LRP1B: variants seen among roughly 807,000 people sequenced by gnomAD.
LRP1B encodes the protein LDL receptor related protein 1B, also known as low-density lipoprotein receptor-related protein 1B.
A neutral mutation model predicts 556.6 loss-of-function variants in LRP1B; 217 were observed. That is an observed-to-expected ratio of 0.39 (90% CI 0.35 to 0.44). LRP1B has a LOEUF of 0.44. Ranked by LOEUF, LRP1B falls within the 20% of genes least tolerant of loss-of-function variation. LRP1B has a pLI of 1.00. For missense variants in LRP1B, 5,053 were observed against 5,620.8 expected (o/e 0.90, Z 3.23); for synonymous variants, 2,047 against 1,865.8 (o/e 1.10, Z -2.50).
intron 1 of LRP1B, among the ~76,000 whole-genome samples, chr2:141,968,417 T>C (rs2105069665): frequency 6.6e-6 from 1 of 151,852 alleles, no homozygotes. Flanking sequence ...TTTTTTTCCC[T>C]AAATTCCTTC....
At chr2:141,204,673 A>G (rs1682193217) in intron 6 of LRP1B, among the ~76,000 whole-genome samples, 1 of 152,194 alleles carries the variant, frequency 6.6e-6, no homozygotes, top group African/African-American at 2.4e-5. Context: ...ATTCATATTT[A>G]TAAGAATGTA....
intron 86 of LRP1B, among the ~76,000 whole-genome samples, chr2:140,261,061 A>ATG (rs1215664454): frequency 4.0e-5 from 6 of 151,186 alleles, no homozygotes; most frequent in African/African-American, 1.5e-4. Context: ...GTGTGTGTAT[A>ATG]TATATATAAT....
At chr2:140,849,198 T>TAGAAAAAAAAAAA (rs1352302960) in intron 29 of LRP1B, among the ~76,000 whole-genome samples, 1 of 16,918 alleles carries the variant, frequency 5.9e-5, no homozygotes, top group African/African-American at 1.4e-4. Context: ...CTACTAAAAA[T>TAGAAAAAAAAAAA]ACAAAAAAAA....
chr2:141,055,915 T>G (rs1234345949), intron 9 of LRP1B, among the ~76,000 whole-genome samples: 1 of 148,798 alleles, frequency 6.7e-6, no homozygotes, highest in Non-Finnish European at 1.5e-5. Context: ...TAAAAGCTAC[T>G]AAAGAAAAAA....
chr2:141,432,532 A>G (rs1051085707), intron 3 of LRP1B, among the ~76,000 whole-genome samples: 18 of 152,064 alleles, frequency 1.2e-4, no homozygotes, highest in Admixed American at 4.6e-4. Context: ...TTAAGTGTTT[A>G]GTAGAATTAA....
intron 11 of LRP1B, among the ~76,000 whole-genome samples, chr2:141,040,520 A>G (rs72981070): frequency 0.059 from 8,899 of 152,076 alleles, 482 homozygotes; most frequent in African/African-American, 0.14. Flanking sequence ...TACAGATTAC[A>G]TCCTGTAATC....
intron 23 of LRP1B, among the ~76,000 whole-genome samples, chr2:140,886,599 G>A (rs376190619): frequency 1.4e-5 from 2 of 146,968 alleles, no homozygotes; most frequent in African/African-American, 2.5e-5. Context: ...TTATTGCCAC[G>A]CAAAGACAAA....
At position 140,949,596 on chromosome 2, in the gene LRP1B, T is replaced by C. The variant is rs561666336; in HGVS notation, c.3136+639A>G. ...AAATTATTCCTTTCTTTTTTTTTTATATATTTTCTTTTTCACTGTTGAAAT... is the reference window on the plus strand; with the variant it reads ...AAATTATTCCTTTCTTTTTTTTTTACATATTTTCTTTTTCACTGTTGAAAT... On this transcript the variant is annotated intron_variant, in intron 20 of 90. Coordinates refer to ENST00000389484, the MANE Select transcript of LRP1B (RefSeq NM_018557.3). Among the ~76,000 whole-genome samples the C allele has an allele frequency of 4.0e-5, 6 of 149,472 alleles. No homozygotes were observed. The South Asian group carries it at 1.3e-3, about 31-fold the overall frequency.
At chr2:140,578,734 G>C (rs904708458) in intron 43 of LRP1B, among the ~76,000 whole-genome samples, 2 of 151,242 alleles carry the variant, frequency 1.3e-5, no homozygotes, top group African/African-American at 4.9e-5. Context: ...AAAACTTAAA[G>C]TATAATAAAA....
At chr2:141,467,151 T>G (rs1682260108) in intron 3 of LRP1B, among the ~76,000 whole-genome samples, 1 of 138,418 alleles carries the variant, frequency 7.2e-6, no homozygotes, top group African/African-American at 2.9e-5. Context: ...TATATATATA[T>G]CCTCTCAGGT....
rs534426280 is a variant in LRP1B at position 140,333,345 on chromosome 2, A to G, written c.12223+1108T>C. Reference sequence around the variant, plus strand: ...ACAATGTGACAGTATATATAAATACATATTCTATCCTCTATAGGAAGATAG... The same window carrying G: ...ACAATGTGACAGTATATATAAATACGTATTCTATCCTCTATAGGAAGATAG... On this transcript the variant is annotated intron_variant, in intron 79 of 90. Transcript: ENST00000389484. Among the ~76,000 whole-genome samples, 5 of 152,198 alleles carry G rather than the reference A, an allele frequency of 3.3e-5. No individual in the cohort carries two copies. In the East Asian group the frequency reaches 9.7e-4, roughly 30 times the overall value.
intron 3 of LRP1B, among the ~76,000 whole-genome samples, chr2:141,315,882 C>CTTTTTTTTTTTTTTTTTTTT (rs70991157): frequency 2.2e-4 from 4 of 18,140 alleles, no homozygotes; most frequent in African/African-American, 7.1e-4. Context: ...TTAGTCTGGT[C>CTTTTTTTTTTTTTTTTTTTT]TTTTTTTTTT....
At chr2:141,314,907 T>TACACAC in intron 3 of LRP1B, among the ~76,000 whole-genome samples, 1 of 146,080 alleles carries the variant, frequency 6.8e-6, no homozygotes, top group East Asian at 2.0e-4. Flanking sequence ...TATATATATA[T>TACACAC]ATACACATAT....
intron 1 of LRP1B, among the ~76,000 whole-genome samples, chr2:141,822,453 T>C (rs1204553552): frequency 1.3e-5 from 2 of 152,240 alleles, no homozygotes; most frequent in East Asian, 3.9e-4. Flanking sequence ...GCCTAAATTA[T>C]TGACACTTCC....
intron 56 of LRP1B, among the ~76,000 whole-genome samples, chr2:140,493,373 A>G (rs1688784885): frequency 6.6e-6 from 1 of 152,190 alleles, no homozygotes; most frequent in Admixed American, 6.5e-5. Flanking sequence ...CTCAACGTAC[A>G]GGAGACCCTC....
chr2:141,647,237 A>G (rs1378211555), intron 2 of LRP1B, among the ~76,000 whole-genome samples: 4 of 152,208 alleles, frequency 2.6e-5, no homozygotes, highest in South Asian at 4.1e-4. Context: ...ATAAAATGGC[A>G]TTCTAGTCAA....
intron 2 of LRP1B, among the ~76,000 whole-genome samples, chr2:141,575,499 T>C (rs1686705112): frequency 6.6e-6 from 1 of 152,074 alleles, no homozygotes; most frequent in Non-Finnish European, 1.5e-5. Flanking sequence ...ATAAAAACCC[T>C]AGAAGAAAAA....
intron 11 of LRP1B, among the ~76,000 whole-genome samples, chr2:141,029,802 C>A (rs890679616): frequency 2.6e-5 from 4 of 152,138 alleles, no homozygotes; most frequent in African/African-American, 9.6e-5. Context: ...TCCCCACCAT[C>A]CTTTATGATA....
chr2:141,791,357 A>G (rs1695602904), intron 2 of LRP1B, among the ~76,000 whole-genome samples: 1 of 152,022 alleles, frequency 6.6e-6, no homozygotes, highest in Admixed American at 6.6e-5. Flanking sequence ...TCAGTGCTCT[A>G]TTTATATGGA....
Sources: allele counts gnomAD v4.1 joint callset (sites outside exome capture counted in the v4.1 genomes callset), GRCh38; gene constraint gnomAD v4.1.1; transcripts MANE v1.5; gene names NCBI Gene and HGNC (gene_info 2026-07-23, HGNC 2026-07-21).